TRIO: variants seen among roughly 807,000 people sequenced by gnomAD.
TRIO encodes triple functional domain protein.
In TRIO, 58 loss-of-function variants were observed where a neutral mutation model predicts 351.9. The observed-to-expected ratio is 0.16, with a 90% confidence interval of 0.13 to 0.21. TRIO has a LOEUF of 0.21. TRIO is among the 10% of genes least tolerant of loss of function. The pLI is 1.00. For synonymous variants in TRIO, 1,758 were observed against 1,595.7 expected (o/e 1.10, Z -2.42); for missense variants, 3,201 against 4,027.8 (o/e 0.79, Z 5.56).
chr5:14,449,878 T>G (rs1752721364), intron 34 of TRIO, among the ~76,000 whole-genome samples: 1 of 152,216 alleles, frequency 6.6e-6, no homozygotes, highest in Non-Finnish European at 1.5e-5. Context: ...ACATTTAATT[T>G]CTTCACGTTT....
At chr5:14,343,454 C>T (rs923055300) in intron 11 of TRIO, among the ~76,000 whole-genome samples, 1 of 152,198 alleles carries the variant, frequency 6.6e-6, no homozygotes, top group African/African-American at 2.4e-5. Flanking sequence ...ATCTGTTCTT[C>T]TCTGCTTCTA....
intron 1 of TRIO, among the ~76,000 whole-genome samples, chr5:14,221,551 G>A (rs112689558): frequency 5.1e-4 from 78 of 152,318 alleles, no homozygotes; most frequent in African/African-American, 1.9e-3. Context: ...AGCATAAACA[G>A]GAGTTCTGAA....
In TRIO at chr5:14,348,339, T is replaced by A. The variant is rs569532917; in HGVS notation, c.2047-9839T>A. 3.8e-4 allele frequency among the ~76,000 whole-genome samples: 58 copies of A among 152,388 alleles called. 1 individual carries two copies. The highest frequency in any genetic ancestry group is 3.4e-3 in the Middle Eastern group (1 of 294). Reference sequence around the variant, plus strand: ...TTTATACACTCTTTAGACTTCTTAGTGCTCAACAATTGATGAAATACCATT... The same window carrying A: ...TTTATACACTCTTTAGACTTCTTAGAGCTCAACAATTGATGAAATACCATT... On this transcript the variant is annotated intron_variant, in intron 11 of 56. Coordinates refer to ENST00000344204, the MANE Select transcript of TRIO (RefSeq NM_007118.4).
At chr5:14,251,852 T>C (rs1794764214) in intron 1 of TRIO, among the ~76,000 whole-genome samples, 1 of 152,092 alleles carries the variant, frequency 6.6e-6, no homozygotes, top group Non-Finnish European at 1.5e-5. Context: ...AGACTGCATC[T>C]GTTTTCTCTC....
chr5:14,269,318 G>T (rs1795859749), intron 1 of TRIO, among the ~76,000 whole-genome samples: 1 of 152,184 alleles, frequency 6.6e-6, no homozygotes, highest in African/African-American at 2.4e-5. Context: ...TTCATTCTTT[G>T]TTTCTATGAA....
In TRIO at chr5:14,319,290, CTTG is replaced by C. The variant is rs745573003; in HGVS notation, c.1731+2552_1731+2554del. ...GATGAATGATCTGGAATGGTCTGGA[CTTG>C]TTGTGTGAACAGGAAATTGCTCTGT... On this transcript the variant is annotated intron_variant, in intron 9 of 56. Coordinates refer to ENST00000344204, the MANE Select transcript of TRIO (RefSeq NM_007118.4). Among the ~76,000 whole-genome samples the C allele has an allele frequency of 3.9e-5, 6 of 152,290 alleles. No homozygotes were observed. In the South Asian group the frequency reaches 8.3e-4, roughly 21 times the overall value.
At chr5:14,424,088 A>G (rs1750421711) in intron 34 of TRIO, among the ~76,000 whole-genome samples, 1 of 152,028 alleles carries the variant, frequency 6.6e-6, no homozygotes, top group African/African-American at 2.4e-5. Context: ...TTAAGAAGAG[A>G]CCTTTTGGTG....
chr5:14,319,101 T>G (rs1739638975), intron 9 of TRIO, among the ~76,000 whole-genome samples: 1 of 152,204 alleles, frequency 6.6e-6, no homozygotes, highest in African/African-American at 2.4e-5. Context: ...TAATTATAAT[T>G]ATGAGGCCAG....
intron 11 of TRIO, among the ~76,000 whole-genome samples, chr5:14,356,006 C>CA (rs1393043028): frequency 6.6e-6 from 1 of 152,012 alleles, no homozygotes; most frequent in Non-Finnish European, 1.5e-5. Flanking sequence ...AACTTAGACA[C>CA]AAAAAATAGG....
At chr5:14,456,540 A>G (rs1436524356) in intron 34 of TRIO, among the ~76,000 whole-genome samples, 1 of 152,270 alleles carries the variant, frequency 6.6e-6, no homozygotes, top group African/African-American at 2.4e-5. Flanking sequence ...GTAAGGACAC[A>G]GTGCCAAAAG....
chr5:14,480,539 A>G (rs924832982), intron 43 of TRIO, among the ~76,000 whole-genome samples: 1 of 152,222 alleles, frequency 6.6e-6, no homozygotes, highest in Non-Finnish European at 1.5e-5. Flanking sequence ...GCTTAACACT[A>G]GCCCTTGATT....
chr5:14,487,048 C>T (rs888903798), intron 47 of TRIO, among the ~76,000 whole-genome samples: 3 of 152,138 alleles, frequency 2.0e-5, no homozygotes, highest in Non-Finnish European at 4.4e-5. Context: ...TCCTTAGCTT[C>T]CCTCAGGGCT....
At chr5:14,282,671 G>T (rs1204380517) in intron 3 of TRIO, among the ~76,000 whole-genome samples, 1 of 152,094 alleles carries the variant, frequency 6.6e-6, no homozygotes, top group Non-Finnish European at 1.5e-5. Flanking sequence ...GCGTTTATCA[G>T]ATTTTGCCAA....
chr5:14,240,296 C>T (rs980243343), intron 1 of TRIO, among the ~76,000 whole-genome samples: 23 of 151,894 alleles, frequency 1.5e-4, no homozygotes, highest in African/African-American at 5.3e-4. Flanking sequence ...CTACTAAATG[C>T]AATTTGGTAG....
chr5:14,475,560 G>A (rs1439436228), intron 40 of TRIO, among the ~76,000 whole-genome samples: 2 of 152,182 alleles, frequency 1.3e-5, no homozygotes, highest in African/African-American at 2.4e-5. Context: ...GGTCAGAGAG[G>A]TCTTTATTTT....
chr5:14,239,157 A>T (rs1234009292), intron 1 of TRIO, among the ~76,000 whole-genome samples: 1 of 152,188 alleles, frequency 6.6e-6, no homozygotes, highest in Admixed American at 6.5e-5. Context: ...AAATACCAGG[A>T]ATAATTTCAG....
intron 10 of TRIO, among the ~76,000 whole-genome samples, chr5:14,335,523 G>C (rs759573924): frequency 3.3e-5 from 5 of 152,150 alleles, no homozygotes; most frequent in Admixed American, 2.0e-4. Flanking sequence ...CAGGGCTCTC[G>C]CATGCCTTCC....
chr5:14,429,861 A>G (rs28528073), intron 34 of TRIO, among the ~76,000 whole-genome samples: 58 of 152,272 alleles, frequency 3.8e-4, no homozygotes, highest in African/African-American at 1.3e-3. Context: ...TTTTGCTGAC[A>G]TGAGTGGTGG....
intron 1 of TRIO, among the ~76,000 whole-genome samples, chr5:14,253,602 G>A (rs1009222720): frequency 6.6e-6 from 1 of 152,186 alleles, no homozygotes; most frequent in Non-Finnish European, 1.5e-5. Flanking sequence ...GCCTCTCAGA[G>A]TGCTGGGATT....
Sources: gnomAD v4.1 joint callset for allele counts (sites outside exome capture counted in the v4.1 genomes callset) on GRCh38, gnomAD v4.1.1 for gene constraint, MANE v1.5 for transcripts, NCBI Gene and HGNC (gene_info 2026-07-23, HGNC 2026-07-21) for gene names.